TAFA1: variants seen among roughly 807,000 people sequenced by gnomAD.
The protein encoded by TAFA1 is TAFA chemokine like family member 1.
TAFA1 carries 4 observed loss-of-function variants against 18.5 expected under a neutral mutation model. The observed-to-expected ratio is 0.22, with a 90% confidence interval of 0.11 to 0.49. TAFA1 has a LOEUF of 0.49. Among genes scored for constraint, TAFA1 ranks in the 20% least tolerant of loss-of-function variants. The pLI, the probability that TAFA1 is intolerant of heterozygous loss-of-function variation, is 0.98. For synonymous variants in TAFA1, 56 were observed against 55.2 expected (o/e 1.01, Z -0.06); for missense variants, 147 against 169.0 (o/e 0.87, Z 0.72).
At chr3:68,121,291 A>G (rs1020076775) in intron 2 of TAFA1, among the ~76,000 whole-genome samples, 25 of 132,916 alleles carry the variant, frequency 1.9e-4, no homozygotes, top group Non-Finnish European at 3.8e-4. Flanking sequence ...GTGTGTGTGT[A>G]TACTATGTAT....
chr3:68,334,869 C>T (rs540981654), intron 2 of TAFA1, among the ~76,000 whole-genome samples: 1 of 152,192 alleles, frequency 6.6e-6, no homozygotes, highest in South Asian at 2.1e-4. Context: ...GAAAACAGAG[C>T]CCCAGCAATT....
In TAFA1 at chr3:68,397,523, A is replaced by G. The variant is rs565145986; in HGVS notation, c.119-19757A>G. Among the ~76,000 whole-genome samples the G allele has an allele frequency of 2.0e-5, 3 of 152,314 alleles. No individual in the cohort carries two copies. In the South Asian group the frequency reaches 6.2e-4, roughly 32 times the overall value. On this transcript the variant is annotated intron_variant, in intron 2 of 4. Transcript: ENST00000478136. ...TTCTTTTACGGCTGACTAGTATTCC[A>G]TGGTTTATATGTGCCACATTTTCTT... is the stretch of plus-strand genomic sequence containing the variant.
intron 2 of TAFA1, among the ~76,000 whole-genome samples, chr3:68,214,354 C>T (rs1237674568): frequency 2.6e-5 from 4 of 152,110 alleles, no homozygotes; most frequent in Admixed American, 2.0e-4. Context: ...TTGATACTCT[C>T]CTGGCCACAT....
At chr3:68,247,393 G>T (rs1481142437) in intron 2 of TAFA1, 1 of 152,166 alleles carries the variant, frequency 6.6e-6, no homozygotes, top group Non-Finnish European at 1.5e-5. Flanking sequence ...CCTAGTTCCA[G>T]CTCTGGTGAA....
chr3:68,285,542 T>G (rs2067984061), intron 2 of TAFA1, among the ~76,000 whole-genome samples: 1 of 152,104 alleles, frequency 6.6e-6, no homozygotes, highest in South Asian at 2.1e-4. Context: ...ATAGATTTAT[T>G]AATATAAGGT....
chr3:68,260,386 G>C (rs892211169), intron 2 of TAFA1, among the ~76,000 whole-genome samples: 2 of 152,098 alleles, frequency 1.3e-5, no homozygotes, highest in African/African-American at 2.4e-5. Context: ...CAAGGATATT[G>C]GTCTAAAATT....
chr3:68,202,046 T>G (rs1200572583), intron 2 of TAFA1, among the ~76,000 whole-genome samples: 1 of 151,648 alleles, frequency 6.6e-6, no homozygotes, highest in Non-Finnish European at 1.5e-5. Flanking sequence ...AAGTCAGCCA[T>G]GAAAGCAGAA....
chr3:68,496,113 T>C (rs549232781), intron 3 of TAFA1, among the ~76,000 whole-genome samples: 21 of 151,158 alleles, frequency 1.4e-4, no homozygotes, highest in African/African-American at 2.2e-4. Context: ...TAGTGAGACA[T>C]GCAAGGAGGG....
At chr3:68,333,766 G>C (rs1468088709) in intron 2 of TAFA1, among the ~76,000 whole-genome samples, 4 of 152,154 alleles carry the variant, frequency 2.6e-5, no homozygotes, top group Non-Finnish European at 4.4e-5. Flanking sequence ...CCAAGATACA[G>C]AGTCACCACA....
chr3:68,489,746 A>G (rs1048954929), intron 3 of TAFA1, among the ~76,000 whole-genome samples: 1 of 152,240 alleles, frequency 6.6e-6, no homozygotes, highest in African/African-American at 2.4e-5. Flanking sequence ...ATTTGCTGCC[A>G]TATGCACATG....
chr3:68,343,938 G>T lies in TAFA1; in HGVS notation c.119-73342G>T, dbSNP rs369172976. Among the ~76,000 whole-genome samples the T allele has an allele frequency of 4.6e-5, 7 of 152,242 alleles. No individual in the cohort carries two copies. In the South Asian group the frequency reaches 6.2e-4, roughly 14 times the overall value. The stretch of plus-strand genomic sequence containing the variant: ...GGCTCACCGCAACCTCTGCCTCCTG[G>T]GTTCAAGCGATTCTTCTGCCTCAGC... On this transcript the variant is annotated intron_variant, in intron 2 of 4. Transcript: ENST00000478136.
At chr3:68,503,661 C>A (rs1353016614) in intron 3 of TAFA1, among the ~76,000 whole-genome samples, 1 of 152,106 alleles carries the variant, frequency 6.6e-6, no homozygotes, top group Non-Finnish European at 1.5e-5. Flanking sequence ...CTTTAAAATA[C>A]TTGAAGTCAT....
chr3:68,514,502 A>C (rs908907814), intron 3 of TAFA1, among the ~76,000 whole-genome samples: 2 of 152,180 alleles, frequency 1.3e-5, no homozygotes, highest in African/African-American at 2.4e-5. Flanking sequence ...TTCAGGAGCA[A>C]GAAATGCCAT....
chr3:68,106,160 C>G (rs927941402), intron 2 of TAFA1, among the ~76,000 whole-genome samples: 6 of 149,142 alleles, frequency 4.0e-5, no homozygotes, highest in African/African-American at 9.9e-5. Context: ...AATTCATATG[C>G]AAAAAAAAAA....
intron 3 of TAFA1, among the ~76,000 whole-genome samples, chr3:68,421,361 A>T (rs927421217): frequency 6.6e-6 from 1 of 152,126 alleles, no homozygotes; most frequent in Non-Finnish European, 1.5e-5. Flanking sequence ...AAATCCTTCA[A>T]TCCATTGGCA....
upstream of TAFA1, among the ~76,000 whole-genome samples, chr3:67,999,266 A>AT (rs1704256165): frequency 8.4e-5 from 1 of 11,934 alleles, no homozygotes; most frequent in Non-Finnish European, 2.0e-4. Flanking sequence ...CATTCTCTCT[A>AT]TCCCCCCCCC....
In TAFA1 at chr3:68,404,518, G is replaced by A. The variant is rs1005539726; in HGVS notation, c.119-12762G>A. 6.6e-5 allele frequency among the ~76,000 whole-genome samples: 10 copies of A among 152,246 alleles called. No individual in the cohort carries two copies. The South Asian group carries it at 1.9e-3, about 28-fold the overall frequency. The stretch of plus-strand genomic sequence containing the variant: ...CTATAGGACCAAAAAAAAGAGAAAG[G>A]GCTGGGTGTGGTGGCTCACGCCTAT... On this transcript the variant is annotated intron_variant, in intron 2 of 4. Transcript: ENST00000478136.
At chr3:68,215,171 A>G (rs1356675922) in intron 2 of TAFA1, among the ~76,000 whole-genome samples, 1 of 152,088 alleles carries the variant, frequency 6.6e-6, no homozygotes, top group Non-Finnish European at 1.5e-5. Flanking sequence ...AATAATAAGA[A>G]CAATAATAAT....
At chr3:68,249,839 G>GT (rs920930834) in intron 2 of TAFA1, among the ~76,000 whole-genome samples, 3 of 152,120 alleles carry the variant, frequency 2.0e-5, no homozygotes, top group African/African-American at 7.2e-5. Context: ...GATTTGTTGG[G>GT]TTTTTTTGTG....
Sources: gnomAD v4.1 joint callset for allele counts (sites outside exome capture counted in the v4.1 genomes callset) on GRCh38, gnomAD v4.1.1 for gene constraint, MANE v1.5 for transcripts, NCBI Gene and HGNC (gene_info 2026-07-23, HGNC 2026-07-21) for gene names.